UGT1A6: variants seen among roughly 807,000 people sequenced by gnomAD.
The protein encoded by UGT1A6 is UDP glucuronosyltransferase family 1 member A6, also known as UDP-glucuronosyltransferase 1A6.
In UGT1A6, 32 loss-of-function variants were observed where a neutral mutation model predicts 44.4. The ratio of observed to expected loss-of-function variants is 0.72; its 90% CI spans 0.54 to 0.97. The LOEUF is 0.97. UGT1A6 is among the 50% of genes least tolerant of loss of function. UGT1A6 has a pLI of 0.00. For synonymous variants in UGT1A6, 238 were observed against 248.5 expected, an observed-to-expected ratio of 0.96 and a Z score of 0.40; for missense variants, 685 against 661.9, an observed-to-expected ratio of 1.03 and a Z score of -0.38.
intron 1 of UGT1A6, chr2:233,719,135 T>A (rs1671719594): frequency 2.5e-6 from 4 of 1,614,272 alleles, no homozygotes; most frequent in Non-Finnish European, 3.4e-6. Context: ...AAACAGAACA[T>A]CTTCTGAAGA....
intron 1 of UGT1A6, among the ~76,000 whole-genome samples, chr2:233,731,890 C>A (rs2125767900): frequency 6.6e-6 from 1 of 152,340 alleles, no homozygotes; most frequent in Admixed American, 6.5e-5. Flanking sequence ...AACTAATTTA[C>A]ACTCCCACCA....
At chr2:233,731,491 G>A (rs1443900018) in intron 1 of UGT1A6, among the ~76,000 whole-genome samples, 2 of 152,026 alleles carry the variant, frequency 1.3e-5, no homozygotes, top group Non-Finnish European at 2.9e-5. Flanking sequence ...TGTGTCCAGT[G>A]TTCTTGCTGT....
chr2:233,758,617 T>TGC (rs1696928480), intron 1 of UGT1A6, among the ~76,000 whole-genome samples: 1 of 152,162 alleles, frequency 6.6e-6, no homozygotes, highest in Non-Finnish European at 1.5e-5. Flanking sequence ...TGCATGTGCA[T>TGC]GCAAAGTACC....
At chr2:233,736,684 C>G (rs2078792768) in intron 1 of UGT1A6, among the ~76,000 whole-genome samples, 1 of 152,148 alleles carries the variant, frequency 6.6e-6, no homozygotes, top group Non-Finnish European at 1.5e-5. Flanking sequence ...ATGTTGGTGA[C>G]CTACAGATGG....
At position 233,713,775 on chromosome 2, in the gene UGT1A6, G is replaced by A. The variant is rs2076345614; in HGVS notation, c.861+19910G>A. 1 of 1,614,026 alleles carries A rather than the reference G, an allele frequency of 6.2e-7. No homozygotes were observed. Among genetic ancestry groups the A allele is most frequent in the South Asian group, 1.1e-5 (1 of 91,070 alleles). On this transcript the variant is annotated intron_variant, in intron 1 of 4. Coordinates refer to ENST00000305139, the MANE Select transcript of UGT1A6 (RefSeq NM_001072.4). ...TGTGTGGCTGTTCCGAGGGGACTTT[G>A]TGATGGATTACCCCAGGCCGATCAT...
rs974078775 is a variant in UGT1A6, at chr2:233,743,284, C to A, written c.862-23750C>A. 1.2e-4 allele frequency: 61 copies of A among 507,042 alleles called. 3 individuals are homozygous for A. The highest frequency in any genetic ancestry group is 1.0e-3 in the African/African-American group (49 of 48,728). 31.4% of individuals were successfully genotyped at this position (507,042 alleles called of 1,614,324 possible). A position where few individuals can be genotyped will look rare whatever the true frequency, so the allele number is the denominator to read the frequency against. On this transcript the variant is annotated intron_variant, in intron 1 of 4. Transcript: ENST00000305139. ...TTCCTCCACTTCCACCCTTTCTTGG[C>A]CATTCTCAATGATTCTCTTGGTGGT...
At chr2:233,724,425 G>C (rs1323206550) in intron 1 of UGT1A6, among the ~76,000 whole-genome samples, 9 of 126,856 alleles carry the variant, frequency 7.1e-5, no homozygotes, top group Admixed American at 1.5e-4. Context: ...CGGGCGGAGA[G>C]GCTCCTCACT....
intron 1 of UGT1A6, among the ~76,000 whole-genome samples, chr2:233,765,977 C>T (rs1699015249): frequency 6.6e-6 from 1 of 152,154 alleles, no homozygotes; most frequent in Non-Finnish European, 1.5e-5. Context: ...TGGATGTTTA[C>T]AGCTCCTGAA....
intron 1 of UGT1A6, chr2:233,713,039 G>A (rs1346313481): frequency 5.6e-6 from 9 of 1,613,884 alleles, no homozygotes; most frequent in Non-Finnish European, 7.6e-6. Flanking sequence ...CCACAGGACT[G>A]CTGCTTCTCC....
chr2:233,732,094 T>C (rs1575595970), intron 1 of UGT1A6, among the ~76,000 whole-genome samples: 2 of 152,276 alleles, frequency 1.3e-5, no homozygotes, highest in South Asian at 2.1e-4. Flanking sequence ...TTTTGAGAAG[T>C]GTCTGTTCAT....
At chr2:233,743,080 T>G in intron 1 of UGT1A6, 1 of 343,656 alleles carries the variant, frequency 2.9e-6, no homozygotes. Flanking sequence ...TGGCATGAAG[T>G]GTTTATAAAT....
intron 1 of UGT1A6, among the ~76,000 whole-genome samples, chr2:233,766,812 C>T (rs2126028424): frequency 6.6e-6 from 1 of 152,290 alleles, no homozygotes; most frequent in African/African-American, 2.4e-5. Context: ...GATTTTGCAT[C>T]TCAAGGATAA....
At chr2:233,719,454 A>G in intron 1 of UGT1A6, 2 of 1,613,988 alleles carry the variant, frequency 1.2e-6, no homozygotes, top group Non-Finnish European at 1.7e-6. Context: ...GCAAAGGGTC[A>G]AGAACATGCT....
At position 233,764,416 on chromosome 2, in the gene UGT1A6, C is replaced by A. The variant is rs559795881; in HGVS notation, c.862-2618C>A. ...GACAACTTCTCTGCAGTTTGCCCTGCGTGAATCTCCAGATGAACTTTTGTG... is the reference window on the plus strand; with the variant it reads ...GACAACTTCTCTGCAGTTTGCCCTGAGTGAATCTCCAGATGAACTTTTGTG... On this transcript the variant is annotated intron_variant, in intron 1 of 4. Transcript: ENST00000305139. Among the ~76,000 whole-genome samples, 6 of 152,272 alleles carry A rather than the reference C, an allele frequency of 3.9e-5. No individual in the cohort carries two copies. In the South Asian group the frequency reaches 8.3e-4, roughly 21 times the overall value.
chr2:233,717,477 G>A (rs551633792), intron 1 of UGT1A6, among the ~76,000 whole-genome samples: 2 of 152,228 alleles, frequency 1.3e-5, no homozygotes, highest in Non-Finnish European at 2.9e-5. Context: ...TGTGTCCAAA[G>A]GTGGAATCTG....
intron 1 of UGT1A6, among the ~76,000 whole-genome samples, chr2:233,696,404 G>C (rs1446347115): frequency 4.6e-5 from 7 of 152,118 alleles, no homozygotes; most frequent in Non-Finnish European, 8.8e-5. Flanking sequence ...TTGTAAATGG[G>C]GTTGATTTCC....
chr2:233,737,300 G>T (rs1006795480), intron 1 of UGT1A6, among the ~76,000 whole-genome samples: 5 of 152,240 alleles, frequency 3.3e-5, no homozygotes, highest in Admixed American at 2.0e-4. Context: ...CCGCCTCACA[G>T]TTCAATCTCA....
chr2:233,762,916 A>T (rs1698195607), intron 1 of UGT1A6, among the ~76,000 whole-genome samples: 1 of 152,252 alleles, frequency 6.6e-6, no homozygotes, highest in African/African-American at 2.4e-5. Context: ...TATTGAATTT[A>T]TTAGAATCTC....
rs774677126 is a variant in UGT1A6 at position 233,772,538 on chromosome 2, C to A, written c.1578C>A (p.Ala526=). The change falls in exon 5 of 5, where the codon GCC becomes GCA. Residue 526 remains alanine, a synonymous_variant. Coordinates refer to ENST00000305139, the MANE Select transcript of UGT1A6 (RefSeq NM_001072.4). ...CLGKKGRVKK[A]HKSKTH ...GGAAAAAAGGGCGAGTTAAGAAAGC[C>A]CACAAATCCAAGACCCATTGAGAAG... The A allele has an allele frequency of 3.7e-6, 6 of 1,613,922 alleles. No homozygotes were observed. The Admixed American group carries it at 8.3e-5, about 22-fold the overall frequency.
Sources: allele counts gnomAD v4.1 joint callset (sites outside exome capture counted in the v4.1 genomes callset), GRCh38; gene constraint gnomAD v4.1.1; transcripts MANE v1.5; gene names NCBI Gene and HGNC (gene_info 2026-07-23, HGNC 2026-07-21).